The following ZC3H12B variants were observed in gnomAD, a reference collection of about 807,000 sequenced individuals.
ZC3H12B encodes zinc finger CCCH-type containing 12B.
In ZC3H12B, 7 loss-of-function variants were observed where a neutral mutation model predicts 43.9. The ratio of observed to expected loss-of-function variants is 0.16; its 90% CI spans 0.09 to 0.30. The LOEUF (loss-of-function observed/expected upper bound fraction) is 0.30. ZC3H12B is among the 10% of genes least tolerant of loss of function. The pLI is 1.00. For missense variants in ZC3H12B, 475 were observed against 670.2 expected (o/e 0.71, Z 3.22); for synonymous variants, 222 against 241.7 (o/e 0.92, Z 0.76).
At chrX:65,455,140 A>G (rs1035756398) in intron 3 of ZC3H12B, among the ~76,000 whole-genome samples, 1 of 112,455 alleles carries the variant, frequency 8.9e-6, no homozygotes, top group African/African-American at 3.2e-5. Flanking sequence ...TTACTTTGAC[A>G]AGTTGAGAGA....
rs60467216 is a variant in ZC3H12B at position 65,430,149 on chromosome X, G to A, written n.407+31445G>A. ...CACACACATTTGTTGGAAATCTTGGGGCCAGATTATGTAAAGCTCATGGGT... is the reference window on the plus strand; with the variant it reads ...CACACACATTTGTTGGAAATCTTGGAGCCAGATTATGTAAAGCTCATGGGT... On this transcript the variant is annotated intron_variant and non_coding_transcript_variant, in intron 3 of 5. Transcript: ENST00000617377. Among the ~76,000 whole-genome samples the A allele has an allele frequency of 2.3e-3, 254 of 111,550 alleles. 2 individuals carry two copies. The highest frequency in any genetic ancestry group is 7.7e-3 in the African/African-American group (236 of 30,696).
chrX:65,295,583 C>A, the ZC3H12B span, among the ~76,000 whole-genome samples: 3 of 109,829 alleles, frequency 2.7e-5, no homozygotes, highest in African/African-American at 9.9e-5. Flanking sequence ...TACGTTGAAA[C>A]AAACAAAAAA....
the ZC3H12B span, among the ~76,000 whole-genome samples, chrX:65,326,487 G>A: frequency 1.2e-4 from 13 of 110,205 alleles, no homozygotes; most frequent in Admixed American, 4.9e-4. Flanking sequence ...GCAGATAAGG[G>A]GTGACCACAG....
chrX:65,174,895 G>A, the ZC3H12B span, among the ~76,000 whole-genome samples: 4 of 109,750 alleles, frequency 3.6e-5, no homozygotes, highest in East Asian at 2.9e-4. Context: ...TCTGTATTGC[G>A]GGGGTTCCAG....
the ZC3H12B span, among the ~76,000 whole-genome samples, chrX:65,302,993 G>C: frequency 9.0e-6 from 1 of 111,113 alleles, no homozygotes; most frequent in South Asian, 3.7e-4. Context: ...TCACACTATT[G>C]AAAAAAATAC....
the ZC3H12B span, among the ~76,000 whole-genome samples, chrX:65,351,264 G>T: frequency 9.0e-6 from 1 of 111,702 alleles, no homozygotes; most frequent in African/African-American, 3.3e-5. Flanking sequence ...AAACTGGCTA[G>T]CCATATGCAG....
chrX:65,373,999 A>ATATATATAG (rs2066301209), intron 2 of ZC3H12B, among the ~76,000 whole-genome samples: 5 of 48,858 alleles, frequency 1.0e-4, no homozygotes, highest in African/African-American at 7.5e-4. Context: ...TATATATAGT[A>ATATATATAG]TATATATATA....
At chrX:65,257,069 G>A in the ZC3H12B span, among the ~76,000 whole-genome samples, 6 of 112,033 alleles carry the variant, frequency 5.4e-5, no homozygotes, top group Non-Finnish European at 9.4e-5. Flanking sequence ...TCTAGAACTA[G>A]AAATACCATT....
At chrX:65,397,541 G>T (rs2066714809) in intron 2 of ZC3H12B, among the ~76,000 whole-genome samples, 1 of 111,649 alleles carries the variant, frequency 9.0e-6, no homozygotes, top group Non-Finnish European at 1.9e-5. Flanking sequence ...CTTCTGGCTT[G>T]TAGGGTTTCT....
the ZC3H12B span, among the ~76,000 whole-genome samples, chrX:65,267,818 T>A: frequency 9.0e-6 from 1 of 111,575 alleles, no homozygotes; most frequent in Admixed American, 9.6e-5. Flanking sequence ...CCTAATTTTT[T>A]AAAGGATATT....
At chrX:65,048,118 A>G in the ZC3H12B span, among the ~76,000 whole-genome samples, 1 of 111,143 alleles carries the variant, frequency 9.0e-6, no homozygotes, top group Non-Finnish European at 1.9e-5. Context: ...GATTACTTTT[A>G]TGTACCTCCT....
At chrX:65,209,988 C>A in the ZC3H12B span, among the ~76,000 whole-genome samples, 1 of 77,060 alleles carries the variant, frequency 1.3e-5, no homozygotes, top group Non-Finnish European at 2.1e-5. Flanking sequence ...TAGGCATTAC[C>A]ATTCAAGACA....
chrX:65,475,557 C>CTT (rs1204886930), intron 3 of ZC3H12B, among the ~76,000 whole-genome samples: 3 of 111,057 alleles, frequency 2.7e-5, no homozygotes, highest in Middle Eastern at 4.7e-3. Flanking sequence ...CAAAGATTCA[C>CTT]TTTTTTCTTG....
intron 3 of ZC3H12B, among the ~76,000 whole-genome samples, chrX:65,474,024 T>G (rs2067961023): frequency 8.9e-6 from 1 of 111,880 alleles, no homozygotes; most frequent in East Asian, 2.8e-4. Context: ...GTTTCTTCAT[T>G]TATTTTCTGT....
chrX:65,435,021 A>G (rs1358492986), intron 3 of ZC3H12B, among the ~76,000 whole-genome samples: 3 of 111,798 alleles, frequency 2.7e-5, no homozygotes, highest in Admixed American at 1.9e-4. Context: ...GAATCCTACT[A>G]TTTCTCAATC....
At chrX:65,432,884 G>A (rs916997945) in intron 3 of ZC3H12B, among the ~76,000 whole-genome samples, 1 of 111,836 alleles carries the variant, frequency 8.9e-6, no homozygotes, top group Non-Finnish European at 1.9e-5. Context: ...TCAGTATAAG[G>A]TCATCAGTAT....
the ZC3H12B span, among the ~76,000 whole-genome samples, chrX:65,347,835 C>G: frequency 8.9e-6 from 1 of 112,229 alleles, no homozygotes. Context: ...TGGAACCAAG[C>G]CAAATGTCCA....
chrX:65,221,226 C>T, the ZC3H12B span, among the ~76,000 whole-genome samples: 1 of 111,723 alleles, frequency 9.0e-6, no homozygotes, highest in African/African-American at 3.2e-5. Context: ...AAGTTCATAG[C>T]ATTAAATGCC....
chrX:65,269,673 C>T, the ZC3H12B span, among the ~76,000 whole-genome samples: 3 of 108,110 alleles, frequency 2.8e-5, no homozygotes, highest in Non-Finnish European at 5.8e-5. Flanking sequence ...CTTTTTTTTT[C>T]TTCTTTTGTA....
Sources: allele counts gnomAD v4.1 joint callset (sites outside exome capture counted in the v4.1 genomes callset), GRCh38; gene constraint gnomAD v4.1.1; transcripts MANE v1.5; gene names NCBI Gene and HGNC (gene_info 2026-07-23, HGNC 2026-07-21).